Variants in FTO observed in about 807,000 individuals in gnomAD.
The protein encoded by FTO is FTO alpha-ketoglutarate dependent dioxygenase.
Under a neutral mutation model 63.9 loss-of-function variants are expected in FTO, and 47 were observed. That is an observed-to-expected ratio of 0.74 (90% CI 0.58 to 0.94). The LOEUF is 0.94. Among genes scored for constraint, FTO ranks in the 40% least tolerant of loss-of-function variants. The pLI is 0.00. For missense variants in FTO, 562 were observed against 618.1 expected, an observed-to-expected ratio of 0.91 and a Z score of 0.96; for synonymous variants, 207 against 224.4, an observed-to-expected ratio of 0.92 and a Z score of 0.69.
chr16:53,954,965 G>A (rs562203153), intron 8 of FTO, among the ~76,000 whole-genome samples: 1 of 152,168 alleles, frequency 6.6e-6, no homozygotes, highest in East Asian at 1.9e-4. Flanking sequence ...CTCTTTGGTG[G>A]ACCTCTATTT....
chr16:53,960,984 TCTTGGA>T (rs2083065937), intron 8 of FTO, among the ~76,000 whole-genome samples: 1 of 152,098 alleles, frequency 6.6e-6, no homozygotes, highest in South Asian at 2.1e-4. Context: ...TGTCATTCTA[TCTTGGA>T]CTGGATCTAG....
At chr16:54,060,682 A>C (rs1224056193) in intron 8 of FTO, among the ~76,000 whole-genome samples, 1 of 152,158 alleles carries the variant, frequency 6.6e-6, no homozygotes, top group Non-Finnish European at 1.5e-5. Context: ...CACTTACTAA[A>C]TCAGATCGGC....
chr16:53,775,115 G>A (rs2077431456), intron 1 of FTO, among the ~76,000 whole-genome samples: 2 of 152,130 alleles, frequency 1.3e-5, no homozygotes, highest in African/African-American at 4.8e-5. Context: ...TGCACCATAG[G>A]AAGGCACAAT....
At chr16:53,801,056 G>A (rs1455880681) in intron 1 of FTO, among the ~76,000 whole-genome samples, 1 of 151,970 alleles carries the variant, frequency 6.6e-6, no homozygotes, top group Non-Finnish European at 1.5e-5. Flanking sequence ...CAATTTGACA[G>A]TTTCTCCCCT....
intron 1 of FTO, among the ~76,000 whole-genome samples, chr16:53,753,711 A>AT (rs1203471057): frequency 8.5e-5 from 13 of 152,128 alleles, no homozygotes; most frequent in African/African-American, 2.7e-4. Flanking sequence ...TACTACCATC[A>AT]TTTAGCTATC....
intron 1 of FTO, among the ~76,000 whole-genome samples, chr16:53,799,781 A>G (rs1282134333): frequency 6.6e-6 from 1 of 152,162 alleles, no homozygotes; most frequent in Admixed American, 6.5e-5. Flanking sequence ...CCTCTTCTTG[A>G]GTGAACCTAG....
chr16:54,015,481 A>C lies in FTO; in HGVS notation c.1364+81372A>C, dbSNP rs190636955. Among the ~76,000 whole-genome samples the C allele has an allele frequency of 2.0e-5, 3 of 152,278 alleles. No homozygotes were observed. The East Asian group carries it at 5.8e-4, about 29-fold the overall frequency. ...GTGAACTCCTTATAGTTAATAACTA[A>C]CCAATAAAAAAATAAAGCTATCTCC... On this transcript the variant is annotated intron_variant, in intron 8 of 8. Transcript: ENST00000471389.
intron 1 of FTO, among the ~76,000 whole-genome samples, chr16:53,791,616 A>G (rs937022895): frequency 1.3e-5 from 2 of 152,152 alleles, no homozygotes; most frequent in African/African-American, 2.4e-5. Flanking sequence ...TACAATGACT[A>G]TTTACTTTTT....
intron 8 of FTO, chr16:53,985,078 T>C (rs1599145061): frequency 2.3e-6 from 1 of 433,604 alleles, no homozygotes; most frequent in Non-Finnish European, 4.6e-6. Flanking sequence ...GTTACCTGTT[T>C]GTTCCAGTAT....
In FTO at chr16:54,065,553, A is replaced by G. The variant is rs2085706648; in HGVS notation, c.1365-46209A>G. Reference sequence around the variant, plus strand: ...GGACATCAGATACTAGCATTTGTCAATAAAAAGTGTCAAATGATGTGAACT... The same window carrying G: ...GGACATCAGATACTAGCATTTGTCAGTAAAAAGTGTCAAATGATGTGAACT... On this transcript the variant is annotated intron_variant, in intron 8 of 8. Coordinates refer to ENST00000471389, the MANE Select transcript of FTO (RefSeq NM_001080432.3). 2.0e-5 allele frequency among the ~76,000 whole-genome samples: 3 copies of G among 152,182 alleles called. No individual in the cohort carries two copies. In the South Asian group the frequency reaches 6.2e-4, roughly 32 times the overall value.
At chr16:53,984,296 C>T (rs186676102) in intron 8 of FTO, among the ~76,000 whole-genome samples, 66 of 150,692 alleles carry the variant, frequency 4.4e-4, no homozygotes, top group African/African-American at 1.6e-3. Flanking sequence ...TACTTTCCCT[C>T]CTCTATCCCT....
chr16:53,918,604 A>G (rs2081938306), intron 7 of FTO, among the ~76,000 whole-genome samples: 1 of 152,204 alleles, frequency 6.6e-6, no homozygotes, highest in Non-Finnish European at 1.5e-5. Flanking sequence ...TATTTTATAA[A>G]TCAAAATCAA....
At chr16:54,100,720 C>T (rs550050264) in intron 8 of FTO, among the ~76,000 whole-genome samples, 4 of 152,214 alleles carry the variant, frequency 2.6e-5, no homozygotes, top group African/African-American at 7.2e-5. Flanking sequence ...GAGATGTCAT[C>T]GAAAGAGCAT....
At chr16:54,032,570 G>A (rs13339003) in intron 8 of FTO, among the ~76,000 whole-genome samples, 20,711 of 152,124 alleles carry the variant, frequency 0.14, 3,005 homozygotes, top group African/African-American at 0.36. Flanking sequence ...TAATTAAAAG[G>A]AAAAAGAATC....
At chr16:53,979,589 T>C (rs973379017) in intron 8 of FTO, 2 of 391,496 alleles carry the variant, frequency 5.1e-6, no homozygotes, top group Non-Finnish European at 9.0e-6. Context: ...GAATTTCTTG[T>C]CCTCTACATT....
intron 1 of FTO, among the ~76,000 whole-genome samples, chr16:53,796,352 A>C (rs1351312871): frequency 1.3e-5 from 2 of 152,220 alleles, no homozygotes; most frequent in Non-Finnish European, 2.9e-5. Flanking sequence ...CCTAGTTTTT[A>C]ATTAAAACAA....
intron 8 of FTO, among the ~76,000 whole-genome samples, chr16:54,010,686 G>T (rs2084314633): frequency 6.6e-6 from 1 of 152,118 alleles, no homozygotes; most frequent in African/African-American, 2.4e-5. Context: ...AGAGTCACAG[G>T]ATTTTAAATA....
intron 7 of FTO, among the ~76,000 whole-genome samples, chr16:53,900,608 CTTTTTTTTT>C (rs752080961): frequency 1.5e-4 from 10 of 67,162 alleles, no homozygotes; most frequent in South Asian, 6.4e-4. Context: ...TCATCTGCTC[CTTTTTTTTT>C]TTTTTTTTTT....
At chr16:54,095,612 C>T (rs1355327577) in intron 8 of FTO, among the ~76,000 whole-genome samples, 1 of 152,146 alleles carries the variant, frequency 6.6e-6, no homozygotes, top group Non-Finnish European at 1.5e-5. Context: ...GGAAAGGGAG[C>T]AACGTCCAGC....
Sources: gnomAD v4.1 joint callset for allele counts (sites outside exome capture counted in the v4.1 genomes callset) on GRCh38, gnomAD v4.1.1 for gene constraint, MANE v1.5 for transcripts, NCBI Gene and HGNC (gene_info 2026-07-23, HGNC 2026-07-21) for gene names.